The following AGBL1 variants were observed in gnomAD, a reference collection of about 807,000 sequenced individuals.
AGBL1 encodes the protein cytosolic carboxypeptidase 4.
In AGBL1, 130 loss-of-function variants were observed where a neutral mutation model predicts 118.9. The ratio of observed to expected loss-of-function variants is 1.09; its 90% confidence interval spans 0.95 to 1.26. The LOEUF is 1.26. Among genes scored for constraint, AGBL1 ranks in the 50% most tolerant of loss-of-function variants. AGBL1 has a pLI of 0.00. For missense variants in AGBL1, 1,584 were observed against 1,298.1 expected (o/e 1.22, Z -3.38); for synonymous variants, 555 against 478.9 (o/e 1.16, Z -2.08).
In AGBL1 at chr15:86,799,783, A is replaced by G. The variant is rs116598689; in HGVS notation, c.3159-107304A>G. On this transcript the variant is annotated intron_variant, in intron 22 of 22. Transcript: ENST00000614907. ...GCTGAAAAGTTCTAGGGAATTGCAT[A>G]TAAAACTAATCATTACCTTGTAATG... Among the ~76,000 whole-genome samples, 383 of 152,290 alleles carry G rather than the reference A, an allele frequency of 2.5e-3. 3 individuals carry two copies. The highest frequency in any genetic ancestry group is 7.9e-3 in the African/African-American group (330 of 41,564).
intron 6 of AGBL1, among the ~76,000 whole-genome samples, chr15:86,228,759 G>T (rs2078407462): frequency 6.6e-6 from 1 of 152,206 alleles, no homozygotes; most frequent in Non-Finnish European, 1.5e-5. Context: ...TGTAGAATAT[G>T]TGGGTGTTGG....
chr15:86,694,654 G>A (rs1234818174), intron 22 of AGBL1, among the ~76,000 whole-genome samples: 2 of 151,978 alleles, frequency 1.3e-5, no homozygotes, highest in Non-Finnish European at 2.9e-5. Flanking sequence ...TGGTGAGAGT[G>A]GTAATTCTTG....
At chr15:86,876,189 C>A (rs1329548861) in intron 22 of AGBL1, among the ~76,000 whole-genome samples, 1 of 152,122 alleles carries the variant, frequency 6.6e-6, no homozygotes, top group Non-Finnish European at 1.5e-5. Flanking sequence ...CTCTGAAACC[C>A]CAGCCCAGGA....
intron 23 of AGBL1, among the ~76,000 whole-genome samples, chr15:86,958,004 C>T (rs1020089870): frequency 2.6e-5 from 4 of 151,870 alleles, no homozygotes; most frequent in African/African-American, 9.7e-5. Flanking sequence ...GAGTTCGAGA[C>T]CAGCCTAAGC....
chr15:86,226,382 G>A (rs1009568564), intron 6 of AGBL1, among the ~76,000 whole-genome samples: 36 of 152,284 alleles, frequency 2.4e-4, no homozygotes, highest in Non-Finnish European at 7.4e-5. Flanking sequence ...TGGGAAAGAA[G>A]CTATCTCTCA....
At chr15:86,480,150 G>T (rs965437323) in intron 18 of AGBL1, among the ~76,000 whole-genome samples, 1 of 152,152 alleles carries the variant, frequency 6.6e-6, no homozygotes, top group African/African-American at 2.4e-5. Flanking sequence ...ACAAGTTAAT[G>T]TGTGTAGCAC....
In AGBL1 at chr15:86,123,788, A is replaced by G. The variant is rs112598279; in HGVS notation, c.52-18216A>G. Reference sequence around the variant, plus strand: ...CTGACCACCTTGAGCACATGTTCTCAGGATCTCCTGGGGCTATGTCATGGG... The same window carrying G: ...CTGACCACCTTGAGCACATGTTCTCGGGATCTCCTGGGGCTATGTCATGGG... On this transcript the variant is annotated intron_variant, in intron 1 of 22. Coordinates refer to ENST00000614907, the MANE Select transcript of AGBL1 (RefSeq NM_001386094.1). Among the ~76,000 whole-genome samples the G allele has an allele frequency of 3.6e-3, 541 of 152,336 alleles. 3 individuals carry two copies. Among genetic ancestry groups the G allele is most frequent in the African/African-American group, 0.013 (521 of 41,578 alleles).
At chr15:86,221,624 G>T (rs761318821) in intron 5 of AGBL1, among the ~76,000 whole-genome samples, 3 of 152,178 alleles carry the variant, frequency 2.0e-5, no homozygotes, top group African/African-American at 4.8e-5. Context: ...TGAGCGACTC[G>T]ATGTCTGGAT....
intron 6 of AGBL1, among the ~76,000 whole-genome samples, chr15:86,226,941 T>C (rs780802950): frequency 6.6e-6 from 1 of 152,250 alleles, no homozygotes; most frequent in Non-Finnish European, 1.5e-5. Flanking sequence ...GAGAGTCATC[T>C]GTATTGGTTG....
chr15:86,180,269 T>C (rs2077534783), intron 5 of AGBL1, among the ~76,000 whole-genome samples: 3 of 151,692 alleles, frequency 2.0e-5, no homozygotes, highest in Non-Finnish European at 2.9e-5. Flanking sequence ...AGAACAAAAT[T>C]GGAGGACAAA....
At chr15:86,851,412 G>T (rs7171981) in intron 22 of AGBL1, among the ~76,000 whole-genome samples, 3 of 151,804 alleles carry the variant, frequency 2.0e-5, no homozygotes, top group Admixed American at 6.6e-5. Context: ...AGGACAGAAA[G>T]GTCCATCACC....
intron 10 of AGBL1, 127 bp from the exon 11 acceptor site, chr15:86,264,131 G>C: frequency 1.3e-6 from 1 of 797,048 alleles, no homozygotes. Context: ...AGTTGACCTT[G>C]GAAAAAGCTT....
At chr15:86,872,734 C>A (rs192195496) in intron 22 of AGBL1, among the ~76,000 whole-genome samples, 1 of 152,046 alleles carries the variant, frequency 6.6e-6, no homozygotes, top group African/African-American at 2.4e-5. Context: ...CCAGCCTGGG[C>A]GACAGAGTGA....
At chr15:86,563,407 T>C (rs1033257184) in intron 21 of AGBL1, among the ~76,000 whole-genome samples, 31 of 152,232 alleles carry the variant, frequency 2.0e-4, no homozygotes, top group Non-Finnish European at 3.2e-4. Flanking sequence ...ATGTACCCAG[T>C]AGTCATTCAG....
At chr15:86,938,458 C>T (rs569784730) in intron 23 of AGBL1, among the ~76,000 whole-genome samples, 1 of 152,128 alleles carries the variant, frequency 6.6e-6, no homozygotes, top group African/African-American at 2.4e-5. Flanking sequence ...TTGGAGAAAA[C>T]CAAAGTGTTG....
intron 22 of AGBL1, among the ~76,000 whole-genome samples, chr15:86,842,886 C>G (rs7173266): frequency 0.91 from 138,351 of 152,102 alleles, 62,993 homozygotes; most frequent in East Asian, 1. Flanking sequence ...TTGTCTTTAG[C>G]GGGGTTACAC....
intron 12 of AGBL1, 46 bp from the exon 13 acceptor site, chr15:86,266,944 G>C (rs528563774): frequency 1.5e-6 from 2 of 1,335,158 alleles, no homozygotes; most frequent in Admixed American, 2.0e-5. Flanking sequence ...TGTTTTCAAA[G>C]AGTAGTGATA....
rs1353694031 is a variant in AGBL1, at chr15:86,562,198, AGGAGGCATCC to A, written c.2994+7662_2994+7671del. 3.3e-5 allele frequency among the ~76,000 whole-genome samples: 5 copies of A among 152,322 alleles called. No individual in the cohort carries two copies. The East Asian group carries it at 9.6e-4, about 29-fold the overall frequency. On this transcript the variant is annotated intron_variant, in intron 21 of 22. Coordinates refer to ENST00000614907, the MANE Select transcript of AGBL1 (RefSeq NM_001386094.1). ...CAGAACTTCCAACACTATGTTGAAT[AGGAGGCATCC>A]CTGTCTTGTGCCAGTTTTCAAAGGG...
intron 18 of AGBL1, among the ~76,000 whole-genome samples, chr15:86,518,140 T>G (rs1230944105): frequency 6.6e-6 from 1 of 152,152 alleles, no homozygotes; most frequent in Non-Finnish European, 1.5e-5. Flanking sequence ...TTTTGAATCC[T>G]CTTGTATTGG....
Sources: gnomAD v4.1 joint callset for allele counts (sites outside exome capture counted in the v4.1 genomes callset) on GRCh38, gnomAD v4.1.1 for gene constraint, MANE v1.5 for transcripts, NCBI Gene and HGNC (gene_info 2026-07-23, HGNC 2026-07-21) for gene names.